The following KIF1B variants were observed in gnomAD, a reference collection of about 807,000 sequenced individuals.
KIF1B encodes kinesin-like protein KIF1B.
KIF1B carries 76 observed loss-of-function variants against 241.9 expected under a neutral mutation model. The observed-to-expected ratio is 0.31, with a 90% CI of 0.26 to 0.38. The LOEUF (loss-of-function observed/expected upper bound fraction) is 0.38. Among genes scored for constraint, KIF1B ranks in the 10% least tolerant of loss-of-function variants. The pLI is 1.00. For synonymous variants in KIF1B, 750 were observed against 796.7 expected, an observed-to-expected ratio of 0.94 and a Z score of 0.99; for missense variants, 1,622 against 2,271.4, an observed-to-expected ratio of 0.71 and a Z score of 5.81.
At chr1:10,355,332 T>C (rs892212711) in intron 38 of KIF1B, 1 of 152,644 alleles carries the variant, frequency 6.6e-6, no homozygotes, top group African/African-American at 2.4e-5. Context: ...TTTTGTTTTT[T>C]TGCTGCACTA....
At chr1:10,335,090 C>T (rs1356612691) in intron 28 of KIF1B, among the ~76,000 whole-genome samples, 2 of 152,064 alleles carry the variant, frequency 1.3e-5, no homozygotes, top group Non-Finnish European at 2.9e-5. Context: ...ATGCACACCA[C>T]CATCCCAGCT....
rs35038013 is a variant in KIF1B at position 10,373,257 on chromosome 1, C to CT, written c.4947-1043dup. On this transcript the variant is annotated intron_variant, in intron 45 of 48. Coordinates refer to ENST00000676179, the MANE Select transcript of KIF1B (RefSeq NM_001365951.3). ...TACAGGCGTGAGCCACTGCGCCGGCCTTTTTTTTTTTTTTTTGAGACAGAG... is the reference window on the plus strand; with the variant it reads ...TACAGGCGTGAGCCACTGCGCCGGCCTTTTTTTTTTTTTTTTTGAGACAGAG... Among the ~76,000 whole-genome samples, 185 of 128,240 alleles carry CT rather than the reference C, an allele frequency of 1.4e-3. No individual in the cohort carries two copies. The South Asian group carries it at 0.017, about 12-fold the overall frequency. 84.1% of individuals were successfully genotyped at this position (128,240 alleles called of 152,430 possible).
intron 36 of KIF1B, among the ~76,000 whole-genome samples, chr1:10,348,381 C>A (rs1365286222): frequency 6.6e-6 from 1 of 152,154 alleles, no homozygotes; most frequent in African/African-American, 2.4e-5. Flanking sequence ...GCCACATAAT[C>A]TCCTGTGACA....
chr1:10,240,990 T>G (rs1194920516), intron 2 of KIF1B, among the ~76,000 whole-genome samples: 1 of 152,162 alleles, frequency 6.6e-6, no homozygotes, highest in East Asian at 1.9e-4. Context: ...GGTTCTTCAT[T>G]TATTGAGTGG....
rs1190160271 is a variant in KIF1B, at chr1:10,342,950, G to A, written c.3633-282G>A. Among the ~76,000 whole-genome samples the A allele has an allele frequency of 2.6e-5, 4 of 152,272 alleles. No individual in the cohort carries two copies. The South Asian group carries it at 8.3e-4, about 32-fold the overall frequency. On this transcript the variant is annotated intron_variant, in intron 33 of 48. Coordinates refer to ENST00000676179, the MANE Select transcript of KIF1B (RefSeq NM_001365951.3). ...GCCAGTTCTGTTTACGTTAATGTTG[G>A]AAAACTCCAACTTGGAATCCAGAAC...
At chr1:10,305,776 C>A (rs1005073079) in intron 22 of KIF1B, 1 of 1,055,398 alleles carries the variant, frequency 9.5e-7, no homozygotes, top group African/African-American at 1.7e-5. Context: ...ACTGGAGAAT[C>A]CACTAAGAAA....
At chr1:10,246,841 A>G (rs1051138754) in intron 2 of KIF1B, among the ~76,000 whole-genome samples, 8 of 152,136 alleles carry the variant, frequency 5.3e-5, no homozygotes, top group Non-Finnish European at 1.2e-4. Flanking sequence ...GTTTCCTGTC[A>G]CATTTATTTC....
At chr1:10,305,767 C>T in intron 22 of KIF1B, 1 of 1,055,878 alleles carries the variant, frequency 9.5e-7, no homozygotes, top group Admixed American at 5.4e-5. Context: ...GTTTGCCTCA[C>T]TGGAGAATCC....
At chr1:10,316,653 A>C (rs1651318312) in intron 22 of KIF1B, among the ~76,000 whole-genome samples, 1 of 151,346 alleles carries the variant, frequency 6.6e-6, no homozygotes, top group Admixed American at 6.6e-5. Context: ...GGTGTGTGCC[A>C]TCACACCTGG....
intron 2 of KIF1B, among the ~76,000 whole-genome samples, chr1:10,252,649 C>T (rs969499915): frequency 4.6e-5 from 7 of 151,266 alleles, no homozygotes; most frequent in Admixed American, 2.0e-4. Flanking sequence ...TGTACTCCAG[C>T]GATCCTCCTG....
intron 27 of KIF1B, among the ~76,000 whole-genome samples, chr1:10,332,087 G>A (rs898669389): frequency 6.7e-6 from 1 of 148,476 alleles, no homozygotes; most frequent in Non-Finnish European, 1.5e-5. Context: ...CTCTTGAGAC[G>A]AAGTCTTGCT....
intron 13 of KIF1B, 140 bp downstream of exon 13, chr1:10,278,268 G>A (rs559212617): frequency 3.2e-6 from 3 of 933,864 alleles, no homozygotes; most frequent in Non-Finnish European, 3.2e-6. Context: ...GTTTTGTTTT[G>A]TTTTCTTTTT....
chr1:10,258,434 G>C (rs1647924629), intron 3 of KIF1B, 59 bp from the exon 4 acceptor site: 1 of 1,537,532 alleles, frequency 6.5e-7, no homozygotes, highest in Admixed American at 1.7e-5. Flanking sequence ...AAGCAATCAA[G>C]TAAGTATAGG....
Position 10,365,493 on chromosome 1 carries a change from A to G in KIF1B, c.4597A>G (p.Ser1533Gly), listed in dbSNP as rs781090125. 1 of 1,614,082 alleles carries G rather than the reference A, an allele frequency of 6.2e-7. No individual in the cohort carries two copies. Among genetic ancestry groups the G allele is most frequent in the Non-Finnish European group, 8.5e-7 (1 of 1,180,012 alleles). The change falls in exon 43 of 49, where the codon AGC becomes GGC. Residue 1533 changes from serine to glycine, a missense_variant. Transcript: ENST00000676179. The surrounding 1 kb of genome is among the most constrained non-coding windows in gnomAD (Gnocchi z 4.0). ...PKSLSDSLSP[S>G]LSSGTLSTST... ...ATCCCTGAGCGACTCGTTATCCCCC[A>G]GCCTCAGCAGTGGGACCCTCAGCAC...
Position 10,376,846 on chromosome 1 carries a change from C to G in KIF1B, c.*259C>G, listed in dbSNP as rs1200710969. 2.2e-6 allele frequency: 1 copy of G among 459,746 alleles called. No individual in the cohort carries two copies. The highest frequency in any genetic ancestry group is 4.0e-6 in the Non-Finnish European group (1 of 247,370). 28.5% of individuals were successfully genotyped at this position (459,746 alleles called of 1,614,324 possible). ...AAAAATGTTTTTAAACACACACACACACACACACACACACACACACATACA... is the reference window on the plus strand; with the variant it reads ...AAAAATGTTTTTAAACACACACACAGACACACACACACACACACACATACA... On this transcript the variant is annotated 3_prime_UTR_variant, in exon 49 of 49. Transcript: ENST00000676179.
intron 22 of KIF1B, chr1:10,308,455 C>T: frequency 1.9e-6 from 2 of 1,039,952 alleles, no homozygotes; most frequent in Admixed American, 5.6e-5. Context: ...TGTGGATTTC[C>T]CCTCTCAATT....
rs149385190 is a variant in KIF1B, at chr1:10,248,222, G to A, written c.107-8025G>A. Among the ~76,000 whole-genome samples, 617 of 152,064 alleles carry A rather than the reference G, an allele frequency of 4.1e-3. 7 individuals carry two copies. The highest frequency in any genetic ancestry group is 0.014 in the African/African-American group (584 of 41,450). On this transcript the variant is annotated intron_variant, in intron 2 of 48. Coordinates refer to ENST00000676179, the MANE Select transcript of KIF1B (RefSeq NM_001365951.3). ...TTGTTGTTGTTGTTGTTGAGACAGG[G>A]TCTCGTTATGTTGCCCAGGCTGGAT... is the stretch of plus-strand genomic sequence containing the variant.
intron 1 of KIF1B, among the ~76,000 whole-genome samples, chr1:10,229,029 TG>T (rs988761650): frequency 1.8e-4 from 27 of 152,286 alleles, no homozygotes; most frequent in African/African-American, 6.5e-4. Context: ...AGATGATGGC[TG>T]TATTTCAGAG....
Position 10,326,463 on chromosome 1 carries a change from C to A in KIF1B, c.2924+104C>A. ...TAACCTTGCATTAGCCAATTCAACT[C>A]ATGAATGCTCTTTTTCAAGTTCTCC... On this transcript the variant is annotated intron_variant, in intron 27 of 48. Transcript: ENST00000676179. This position sits in a 1 kb window ranked among gnomAD's most constrained non-coding sequence, Gnocchi z 5.2. The A allele has an allele frequency of 7.1e-7, 1 of 1,400,462 alleles. No individual in the cohort carries two copies. The highest frequency in any genetic ancestry group is 1.0e-6 in the Non-Finnish European group (1 of 995,532). The allele number at this position is 1,400,462 out of a possible 1,614,324, so 86.8% of individuals were successfully genotyped here. A position where few individuals can be genotyped will look rare whatever the true frequency, so the allele number is the denominator to read the frequency against.
Sources: allele counts gnomAD v4.1 joint callset (sites outside exome capture counted in the v4.1 genomes callset), GRCh38; gene constraint gnomAD v4.1.1; non-coding constraint Gnocchi (gnomAD v3.1); transcripts MANE v1.5; gene names NCBI Gene and HGNC (gene_info 2026-07-23, HGNC 2026-07-21).